Variants in IMPA2 observed in about 807,000 individuals in gnomAD.
The protein encoded by IMPA2 is inositol monophosphatase 2.
IMPA2 carries 32 observed loss-of-function variants against 35.1 expected under a neutral mutation model. The ratio of observed to expected loss-of-function variants is 0.91; its 90% confidence interval spans 0.69 to 1.23. The LOEUF is 1.23. Among genes scored for constraint, IMPA2 ranks in the 50% most tolerant of loss-of-function variants. IMPA2 has a pLI of 0.00. For missense variants in IMPA2, 334 were observed against 387.6 expected (o/e 0.86, Z 1.16); for synonymous variants, 135 against 160.6 (o/e 0.84, Z 1.20).
At chr18:11,998,056 A>G (rs918626720) in intron 1 of IMPA2, among the ~76,000 whole-genome samples, 3 of 152,036 alleles carry the variant, frequency 2.0e-5, no homozygotes, top group African/African-American at 7.2e-5. Flanking sequence ...AGTCCTAGCT[A>G]TTGGGGAGGC....
chr18:12,028,809 C>G (rs554366386), intron 6 of IMPA2, 33 bp from the exon 7 acceptor site: 3 of 1,607,300 alleles, frequency 1.9e-6, no homozygotes, highest in East Asian at 2.2e-5. Context: ...GCTCCACTCC[C>G]GCCTGCATCT....
At chr18:12,024,470 C>CGT (rs1390438318) in intron 5 of IMPA2, among the ~76,000 whole-genome samples, 1 of 151,362 alleles carries the variant, frequency 6.6e-6, no homozygotes. Context: ...AGTGACAGAG[C>CGT]AAGACTCCAT....
At chr18:11,984,893 G>A (rs1407378206) in intron 1 of IMPA2, among the ~76,000 whole-genome samples, 4 of 151,646 alleles carry the variant, frequency 2.6e-5, no homozygotes, top group Middle Eastern at 6.8e-3. Context: ...GCGTGAACCC[G>A]GGAGGCGGAG....
At chr18:11,990,530 G>C (rs1906783894) in intron 1 of IMPA2, among the ~76,000 whole-genome samples, 1 of 152,138 alleles carries the variant, frequency 6.6e-6, no homozygotes, top group Non-Finnish European at 1.5e-5. Context: ...GAGAGGTCAG[G>C]ACTTGGGGGC....
rs1488363418 is a variant in IMPA2 at position 12,028,749 on chromosome 18, AT to A, written c.600-92del. On this transcript the variant is annotated intron_variant, in intron 6 of 7. Transcript: ENST00000269159. ...TGTGCTTCATTTTTCACTAGGGAAA[AT>A]GCCCAGCCGGGGTACCTGGCTGAAG... 5 of 1,403,770 alleles carry A rather than the reference AT, an allele frequency of 3.6e-6. No homozygotes were observed. The African/African-American group carries it at 5.8e-5, about 16-fold the overall frequency. 87.0% of individuals were successfully genotyped at this position (1,403,770 alleles called of 1,614,324 possible). A position where few individuals can be genotyped will look rare whatever the true frequency, so the allele number is the denominator to read the frequency against.
intron 6 of IMPA2, chr18:12,028,505 C>A: frequency 2.3e-6 from 1 of 439,522 alleles, no homozygotes; most frequent in Non-Finnish European, 4.1e-6. Context: ...CTTGCCTTCC[C>A]AGTAGGGCTG....
chr18:12,011,946 C>A (rs1256776590), intron 3 of IMPA2, among the ~76,000 whole-genome samples: 2 of 152,258 alleles, frequency 1.3e-5, no homozygotes, highest in African/African-American at 4.8e-5. Flanking sequence ...ATGTGACTTT[C>A]ACAGTGCTGT....
intron 1 of IMPA2, chr18:11,994,280 G>C (rs1906895473): frequency 6.6e-6 from 1 of 152,216 alleles, no homozygotes; most frequent in South Asian, 2.1e-4. Context: ...GGAGGCTGAG[G>C]CGGGAGGATT....
At chr18:12,030,116 T>C (rs1908004599) in intron 7 of IMPA2, among the ~76,000 whole-genome samples, 1 of 152,248 alleles carries the variant, frequency 6.6e-6, no homozygotes, top group African/African-American at 2.4e-5. Context: ...CACTCTGTTC[T>C]GTGCAGCCCT....
intron 2 of IMPA2, among the ~76,000 whole-genome samples, chr18:12,009,389 G>C (rs563146728): frequency 3.5e-4 from 54 of 152,296 alleles, no homozygotes; most frequent in Admixed American, 3.1e-3. Context: ...CTGCAGTTCA[G>C]GTGAGCCAGG....
chr18:12,003,665 GAAAAGGAAAAA>G (rs1568031411), intron 2 of IMPA2, among the ~76,000 whole-genome samples: 1 of 71,066 alleles, frequency 1.4e-5, no homozygotes, highest in East Asian at 4.5e-4. Context: ...AAAAAAAAAA[GAAAAGGAAAAA>G]AAAAAAAAAA....
chr18:12,020,546 T>G (rs527299018), intron 5 of IMPA2, among the ~76,000 whole-genome samples: 18 of 152,316 alleles, frequency 1.2e-4, no homozygotes, highest in African/African-American at 4.1e-4. Flanking sequence ...TAATATTTTT[T>G]TTATTTCCCA....
intron 1 of IMPA2, among the ~76,000 whole-genome samples, chr18:11,984,673 A>AG (rs2143771035): frequency 6.6e-6 from 1 of 152,096 alleles, no homozygotes; most frequent in East Asian, 1.9e-4. Context: ...TCTACTAAAA[A>AG]TACAAAAACT....
chr18:12,022,941 ATTTTTTTTTTTT>A (rs35737614), intron 5 of IMPA2, among the ~76,000 whole-genome samples: 1 of 81,672 alleles, frequency 1.2e-5, no homozygotes, highest in African/African-American at 4.4e-5. Flanking sequence ...CGCCTGCCTA[ATTTTTTTTTTTT>A]TTTTTTTTTT....
At chr18:11,982,071 G>T (rs1036184130) in intron 1 of IMPA2, among the ~76,000 whole-genome samples, 15 of 152,212 alleles carry the variant, frequency 9.9e-5, no homozygotes, top group Non-Finnish European at 2.1e-4. Flanking sequence ...TAGCGTACGG[G>T]GCTGTTGATT....
rs45449592 is a variant in IMPA2, at chr18:12,014,384, C to CA, written c.490+13dup. The CA allele has an allele frequency of 0.035, 52,870 of 1,500,888 alleles. 1,257 individuals carry two copies. The highest frequency in any genetic ancestry group is 0.096 in the East Asian group (4,137 of 43,104). The allele number at this position is 1,500,888 out of a possible 1,614,324, so 93.0% of individuals were successfully genotyped here. ...TCTCCGGGGAGACAGGTGGGCTTCA[C>CA]AACGCTCGTCTCAGTTTACTTCTGA... is the stretch of plus-strand genomic sequence containing the variant. On this transcript the variant is annotated intron_variant, in intron 5 of 7. Transcript: ENST00000269159.
chr18:12,029,108 GTT>G (rs1158665365), intron 7 of IMPA2, 115 bp downstream of exon 7: 22,737 of 261,786 alleles, frequency 0.087, 107 homozygotes, highest in East Asian at 0.26. Flanking sequence ...CAGAGTTTCT[GTT>G]TTTTTTTTTT....
At chr18:11,994,503 A>T (rs1198173344) in intron 1 of IMPA2, 3 of 152,326 alleles carry the variant, frequency 2.0e-5, no homozygotes, top group African/African-American at 7.2e-5. Context: ...GCATTCTCCA[A>T]GCTGCCCCAA....
chr18:11,984,407 G>C (rs1249332691), intron 1 of IMPA2, among the ~76,000 whole-genome samples: 1 of 152,268 alleles, frequency 6.6e-6, no homozygotes, highest in Non-Finnish European at 1.5e-5. Context: ...AGTATTCACT[G>C]ATGTGGATGG....
Sources: gnomAD v4.1 joint callset for allele counts (sites outside exome capture counted in the v4.1 genomes callset) on GRCh38, gnomAD v4.1.1 for gene constraint, MANE v1.5 for transcripts, NCBI Gene and HGNC (gene_info 2026-07-23, HGNC 2026-07-21) for gene names.